CNKSR2: variants seen among roughly 807,000 people sequenced by gnomAD.
CNKSR2 encodes CNK homolog protein 2.
A neutral mutation model predicts 84.4 loss-of-function variants in CNKSR2; 14 were observed. The observed-to-expected ratio is 0.17, with a 90% confidence interval of 0.11 to 0.26. CNKSR2 has a LOEUF of 0.26. Among genes scored for constraint, CNKSR2 ranks in the 10% least tolerant of loss-of-function variants. The pLI, the probability that CNKSR2 is intolerant of heterozygous loss-of-function variation, is 1.00. For missense variants in CNKSR2, 485 were observed against 771.2 expected, an observed-to-expected ratio of 0.63 and a Z score of 4.40; for synonymous variants, 275 against 277.9, an observed-to-expected ratio of 0.99 and a Z score of 0.10.
chrX:21,544,867 C>T (rs1047298609), intron 11 of CNKSR2, among the ~76,000 whole-genome samples: 8 of 111,523 alleles, frequency 7.2e-5, no homozygotes, highest in Admixed American at 2.8e-4. Context: ...CCAGATACTA[C>T]GCTTTTCCCA....
intron 1 of CNKSR2, among the ~76,000 whole-genome samples, chrX:21,409,899 A>C (rs1212613506): frequency 2.7e-5 from 3 of 111,372 alleles, no homozygotes; most frequent in African/African-American, 9.8e-5. Flanking sequence ...TCTAGCTTAC[A>C]GTTCCTTTGT....
At chrX:21,633,260 G>A (rs1276259731) in intron 20 of CNKSR2, among the ~76,000 whole-genome samples, 1 of 111,098 alleles carries the variant, frequency 9.0e-6, no homozygotes, top group East Asian at 2.8e-4. Context: ...CAACTTTCAT[G>A]GTTGTGTTTT....
intron 8 of CNKSR2, among the ~76,000 whole-genome samples, chrX:21,507,625 T>C (rs186791256): frequency 1.8e-3 from 201 of 111,901 alleles, no homozygotes; most frequent in Non-Finnish European, 3.4e-3. Context: ...CAGTATTTGC[T>C]AAATTTTCAA....
intron 21 of CNKSR2, among the ~76,000 whole-genome samples, chrX:21,651,790 G>C (rs908012248): frequency 6.3e-5 from 7 of 111,893 alleles, no homozygotes; most frequent in Non-Finnish European, 1.1e-4. Context: ...CTACAGAAAG[G>C]GAGCCATAAC....
chrX:21,378,628 C>T (rs920558879), intron 1 of CNKSR2, among the ~76,000 whole-genome samples: 4 of 110,849 alleles, frequency 3.6e-5, no homozygotes, highest in Non-Finnish European at 7.6e-5. Flanking sequence ...TTTCCTAGTC[C>T]GTGTCACACC....
At chrX:21,443,226 C>CA (rs1406567744) in intron 4 of CNKSR2, among the ~76,000 whole-genome samples, 1 of 110,627 alleles carries the variant, frequency 9.0e-6, no homozygotes, top group Admixed American at 9.7e-5. Context: ...ATATTATTTA[C>CA]AAAAATGGGT....
chrX:21,477,055 C>G (rs1008213662), intron 5 of CNKSR2, among the ~76,000 whole-genome samples: 1 of 111,962 alleles, frequency 8.9e-6, no homozygotes. Flanking sequence ...CATTTCAGAG[C>G]TTGTGCTTTA....
chrX:21,649,761 C>A (rs2092716015), intron 21 of CNKSR2, among the ~76,000 whole-genome samples: 1 of 111,361 alleles, frequency 9.0e-6, no homozygotes, highest in African/African-American at 3.3e-5. Flanking sequence ...GCCACCTGAG[C>A]AGGCCCTGTG....
At chrX:21,402,595 AAG>A (rs761586933) in intron 1 of CNKSR2, among the ~76,000 whole-genome samples, 2 of 111,103 alleles carry the variant, frequency 1.8e-5, no homozygotes, top group Non-Finnish European at 3.8e-5. Context: ...TTTATGCTAA[AAG>A]AGAGGATAAT....
intron 5 of CNKSR2, among the ~76,000 whole-genome samples, chrX:21,483,670 A>G (rs1181047825): frequency 9.3e-6 from 1 of 107,892 alleles, no homozygotes; most frequent in Non-Finnish European, 1.9e-5. Context: ...AATTTTAAAT[A>G]CTAATTTAAA....
chrX:21,564,751 A>G (rs1390100159), intron 13 of CNKSR2, among the ~76,000 whole-genome samples: 1 of 103,485 alleles, frequency 9.7e-6, no homozygotes, highest in Non-Finnish European at 1.9e-5. Flanking sequence ...AGTGTAGAAA[A>G]ATGTTTTTTT....
At chrX:21,615,377 A>G (rs763009966) in intron 20 of CNKSR2, among the ~76,000 whole-genome samples, 2 of 112,042 alleles carry the variant, frequency 1.8e-5, no homozygotes, top group Non-Finnish European at 3.8e-5. Context: ...CCTATAGACA[A>G]TAAGTAATCC....
intron 9 of CNKSR2, among the ~76,000 whole-genome samples, chrX:21,519,472 A>G (rs1206224130): frequency 1.8e-5 from 2 of 111,052 alleles, no homozygotes; most frequent in African/African-American, 3.3e-5. Flanking sequence ...GTGAAACGTA[A>G]CTGCTAAATG....
chrX:21,433,751 C>T (rs2147070568), intron 3 of CNKSR2, among the ~76,000 whole-genome samples: 2 of 107,304 alleles, frequency 1.9e-5, no homozygotes, highest in South Asian at 8.2e-4. Flanking sequence ...AAAAGTAAAG[C>T]TTTTGTATTT....
intron 1 of CNKSR2, among the ~76,000 whole-genome samples, chrX:21,384,338 A>G (rs914782328): frequency 1.8e-5 from 2 of 111,859 alleles, no homozygotes; most frequent in Non-Finnish European, 3.8e-5. Flanking sequence ...ACATTAAATC[A>G]AAGGAACAAG....
At chrX:21,435,835 A>AT (rs2090696750) in intron 3 of CNKSR2, among the ~76,000 whole-genome samples, 1 of 111,221 alleles carries the variant, frequency 9.0e-6, no homozygotes, top group Non-Finnish European at 1.9e-5. Context: ...TTTTTCCTTC[A>AT]TTTTTACCAG....
intron 20 of CNKSR2, among the ~76,000 whole-genome samples, chrX:21,624,987 AT>A (rs1179086913): frequency 3.6e-5 from 4 of 111,727 alleles, no homozygotes; most frequent in African/African-American, 1.3e-4. Flanking sequence ...ACTAATTCTT[AT>A]TTTTTCATTG....
At chrX:21,638,111 T>C (rs2147332394) in intron 20 of CNKSR2, among the ~76,000 whole-genome samples, 1 of 111,964 alleles carries the variant, frequency 8.9e-6, no homozygotes, top group South Asian at 3.7e-4. Context: ...TTTTAAAATA[T>C]TTTCTTCTCT....
At chrX:21,405,057 T>C (rs1027609776) in intron 1 of CNKSR2, among the ~76,000 whole-genome samples, 7 of 111,583 alleles carry the variant, frequency 6.3e-5, no homozygotes, top group Non-Finnish European at 1.3e-4. Flanking sequence ...ATTGTTACTT[T>C]ATAGAATGTT....
Sources: allele counts gnomAD v4.1 joint callset (sites outside exome capture counted in the v4.1 genomes callset), GRCh38; gene constraint gnomAD v4.1.1; transcripts MANE v1.5; gene names NCBI Gene and HGNC (gene_info 2026-07-23, HGNC 2026-07-21).